The following PTPN12 variants were observed in gnomAD, a reference collection of about 807,000 sequenced individuals.
The protein encoded by PTPN12 is protein tyrosine phosphatase non-receptor type 12.
In PTPN12, 29 loss-of-function variants were observed where a neutral mutation model predicts 97.6. The ratio of observed to expected loss-of-function variants is 0.30; its 90% CI spans 0.22 to 0.41. The LOEUF (loss-of-function observed/expected upper bound fraction) is 0.41. Ranked by LOEUF, PTPN12 falls within the 10% of genes least tolerant of loss-of-function variation. PTPN12 has a pLI of 1.00. For missense variants in PTPN12, 819 were observed against 926.0 expected, an observed-to-expected ratio of 0.88 and a Z score of 1.50; for synonymous variants, 327 against 300.4, an observed-to-expected ratio of 1.09 and a Z score of -0.91.
At chr7:77,546,024 T>C (rs1807205792) in intron 1 of PTPN12, among the ~76,000 whole-genome samples, 1 of 152,168 alleles carries the variant, frequency 6.6e-6, no homozygotes, top group Admixed American at 6.5e-5. Context: ...CTCCGCCTCC[T>C]GGGTTCAAGC....
chr7:77,601,216 G>A (rs1250169214), intron 8 of PTPN12, among the ~76,000 whole-genome samples: 2 of 152,030 alleles, frequency 1.3e-5, no homozygotes, highest in African/African-American at 4.8e-5. Flanking sequence ...TTAAAAACAG[G>A]ATATTGCTCT....
chr7:77,627,513 A>G lies in PTPN12; in HGVS notation c.1834A>G (p.Asn612Asp). The change falls in exon 13 of 18, where the codon AAC (asparagine) becomes GAC (aspartate). Residue 612 changes from asparagine (N) to aspartate (D), a missense_variant. Asn to Asp is a conservative substitution (Grantham distance 23). Transcript: ENST00000248594. ...TGATGACTCAGACTCAGATGAAAGA[A>G]ACTCTGATGGTGCTGTGACCCAGAA... ...HSDDSDSDER[N>D]SDGAVTQNKT... is the part of the protein sequence containing the mutation. 1.5e-5 allele frequency: 24 copies of G among 1,614,084 alleles called. No individual in the cohort carries two copies. Among genetic ancestry groups the G allele is most frequent in the Non-Finnish European group, 2.0e-5 (24 of 1,179,974 alleles).
At chr7:77,588,408 C>G (rs891393998) in intron 5 of PTPN12, among the ~76,000 whole-genome samples, 27 of 152,186 alleles carry the variant, frequency 1.8e-4, no homozygotes, top group African/African-American at 5.8e-4. Context: ...CTCACAACAT[C>G]TGTTGATTAA....
intron 11 of PTPN12, among the ~76,000 whole-genome samples, chr7:77,612,971 A>T (rs1584192150): frequency 6.7e-6 from 1 of 149,996 alleles, no homozygotes; most frequent in African/African-American, 2.5e-5. Flanking sequence ...GGGGTTTTGC[A>T]TGTTGGCCAG....
At chr7:77,570,976 C>A in intron 1 of PTPN12, 102 bp from the exon 2 acceptor site, 1 of 660,560 alleles carries the variant, frequency 1.5e-6, no homozygotes, top group Non-Finnish European at 2.5e-6. Context: ...AGCTAAGAGA[C>A]AGGAAAATGA....
chr7:77,628,526 C>T (rs924568344), intron 13 of PTPN12, among the ~76,000 whole-genome samples: 3 of 151,440 alleles, frequency 2.0e-5, no homozygotes, highest in African/African-American at 4.9e-5. Flanking sequence ...GTATTTATAA[C>T]GTGCAGGCAA....
chr7:77,592,028 T>G (rs993843425), intron 5 of PTPN12, among the ~76,000 whole-genome samples, 157 bp from the exon 6 acceptor site: 1 of 152,198 alleles, frequency 6.6e-6, no homozygotes, highest in Non-Finnish European at 1.5e-5. Flanking sequence ...TTAAAACAAC[T>G]GGGTAAATCT....
intron 1 of PTPN12, among the ~76,000 whole-genome samples, chr7:77,548,868 T>C (rs1807345200): frequency 6.6e-6 from 1 of 152,214 alleles, no homozygotes; most frequent in Non-Finnish European, 1.5e-5. Flanking sequence ...TTTGTCTTTC[T>C]ATGGTTTTCA....
chr7:77,616,201 A>G (rs1326101752), intron 11 of PTPN12, among the ~76,000 whole-genome samples: 1 of 152,152 alleles, frequency 6.6e-6, no homozygotes, highest in African/African-American at 2.4e-5. Context: ...TCAAAATCTT[A>G]CCAATCCCTC....
chr7:77,538,505 C>T (rs1363376866), intron 1 of PTPN12, among the ~76,000 whole-genome samples: 1 of 152,032 alleles, frequency 6.6e-6, no homozygotes, highest in African/African-American at 2.4e-5. Flanking sequence ...CGGGCCGAAG[C>T]CCTGAACTGG....
chr7:77,598,480 A>C (rs1788090704), intron 7 of PTPN12, among the ~76,000 whole-genome samples: 1 of 152,098 alleles, frequency 6.6e-6, no homozygotes, highest in Non-Finnish European at 1.5e-5. Flanking sequence ...CCAGGAGTTC[A>C]AGACCAGCCT....
At chr7:77,609,079 G>T (rs1284987686) in intron 9 of PTPN12, among the ~76,000 whole-genome samples, 1 of 151,946 alleles carries the variant, frequency 6.6e-6, no homozygotes, top group Non-Finnish European at 1.5e-5. Flanking sequence ...AATTAGCCAG[G>T]CGTGGTGGCC....
At chr7:77,573,424 A>G (rs1270103411) in intron 2 of PTPN12, among the ~76,000 whole-genome samples, 1 of 152,180 alleles carries the variant, frequency 6.6e-6, no homozygotes, top group Non-Finnish European at 1.5e-5. Flanking sequence ...TGGAAGGGGC[A>G]AACAAGCTCT....
At chr7:77,596,119 G>T (rs541847925) in intron 6 of PTPN12, among the ~76,000 whole-genome samples, 1 of 152,082 alleles carries the variant, frequency 6.6e-6, no homozygotes, top group Non-Finnish European at 1.5e-5. Flanking sequence ...GATTCTGGGG[G>T]TGGTTACTAC....
At chr7:77,538,774 C>G (rs1456256772) in intron 1 of PTPN12, 1 of 151,944 alleles carries the variant, frequency 6.6e-6, no homozygotes, top group Non-Finnish European at 1.5e-5. Context: ...GGGTTGTTTC[C>G]CGGCTTAGGA....
intron 13 of PTPN12, among the ~76,000 whole-genome samples, chr7:77,631,419 T>G (rs1001552694): frequency 6.6e-6 from 1 of 152,222 alleles, no homozygotes; most frequent in Admixed American, 6.5e-5. Flanking sequence ...ATGGCAGAAC[T>G]GTGTGTTCAT....
intron 3 of PTPN12, among the ~76,000 whole-genome samples, chr7:77,582,024 A>T (rs1337763640): frequency 1.3e-5 from 2 of 150,260 alleles, no homozygotes; most frequent in Non-Finnish European, 3.0e-5. Flanking sequence ...AAAATCCAAG[A>T]TTAAATAGTC....
chr7:77,565,329 C>T (rs1363933134), intron 1 of PTPN12, among the ~76,000 whole-genome samples: 2 of 152,206 alleles, frequency 1.3e-5, no homozygotes, highest in African/African-American at 4.8e-5. Context: ...TTCAAAGTCT[C>T]TTCAGTGAAT....
chr7:77,579,457 AAG>A (rs762340167), intron 2 of PTPN12, among the ~76,000 whole-genome samples: 3 of 152,154 alleles, frequency 2.0e-5, no homozygotes, highest in Non-Finnish European at 4.4e-5. Context: ...AGATCCTCGA[AAG>A]AGAAAAAAGA....
Sources: allele counts gnomAD v4.1 joint callset (sites outside exome capture counted in the v4.1 genomes callset), GRCh38; gene constraint gnomAD v4.1.1; transcripts MANE v1.5; gene names NCBI Gene and HGNC (gene_info 2026-07-23, HGNC 2026-07-21).